The following CSK variants were observed in gnomAD, a reference collection of about 807,000 sequenced individuals.
CSK encodes C-terminal Src kinase.
Under a neutral mutation model 62.3 loss-of-function variants are expected in CSK, and 7 were observed. The observed-to-expected ratio is 0.11, with a 90% CI of 0.06 to 0.21. CSK has a LOEUF of 0.21. Ranked by LOEUF, CSK falls within the 10% of genes least tolerant of loss-of-function variation. The pLI is 1.00. For synonymous variants in CSK, 237 were observed against 246.0 expected, an observed-to-expected ratio of 0.96 and a Z score of 0.34; for missense variants, 294 against 613.5, an observed-to-expected ratio of 0.48 and a Z score of 5.50.
At chr15:74,783,294 T>C (rs545812944) in intron 1 of CSK, among the ~76,000 whole-genome samples, 2 of 152,324 alleles carry the variant, frequency 1.3e-5, no homozygotes, top group South Asian at 4.1e-4. Context: ...GGGCAGGCCT[T>C]CTGCCCGGGG....
intron 1 of CSK, among the ~76,000 whole-genome samples, chr15:74,797,747 TCCTGTGTCCTCTCGGTGTGTA>T (rs1262785254): frequency 6.6e-6 from 1 of 151,972 alleles, no homozygotes; most frequent in African/African-American, 2.4e-5. Flanking sequence ...CAGACACATG[TCCTGTGTCCTCTCGGTGTGTA>T]CCTAGAAGTG....
At position 74,802,701 on chromosome 15, in the gene CSK, C is replaced by A; in HGVS notation, c.*188C>A. 1 of 673,544 alleles carries A rather than the reference C, an allele frequency of 1.5e-6. No individual in the cohort carries two copies. Among genetic ancestry groups the A allele is most frequent in the Non-Finnish European group, 2.3e-6 (1 of 437,660 alleles). 41.7% of individuals were successfully genotyped at this position (673,544 alleles called of 1,614,324 possible). The stretch of plus-strand genomic sequence containing the variant: ...GACCCACCTGTGGGGCCTGGGGAGC[C>A]CACTGAGGGGCCAGGGAGGAAGGAG... On this transcript the variant is annotated 3_prime_UTR_variant, in exon 13 of 13. Coordinates refer to ENST00000220003, the MANE Select transcript of CSK (RefSeq NM_004383.3).
intron 1 of CSK, among the ~76,000 whole-genome samples, chr15:74,783,637 G>A (rs2063472004): frequency 6.6e-6 from 1 of 152,242 alleles, no homozygotes; most frequent in South Asian, 2.1e-4. Flanking sequence ...CGGCCCCAGA[G>A]GGACCTTGTT....
chr15:74,798,773 C>T lies in CSK; in HGVS notation c.129+45C>T, dbSNP rs1877075485. ...CCCACCATCCCACTGCTGGGCCTTC[C>T]CTCTGCAGGGGGAGGTGGGCCTGAG... On this transcript the variant is annotated intron_variant, in intron 3 of 12. Coordinates refer to ENST00000220003, the MANE Select transcript of CSK (RefSeq NM_004383.3). This position sits in a 1 kb window ranked among gnomAD's most constrained non-coding sequence, Gnocchi z 6.6. The T allele has an allele frequency of 6.2e-7, 1 of 1,607,478 alleles. No individual in the cohort carries two copies. Among genetic ancestry groups the T allele is most frequent in the South Asian group, 1.1e-5 (1 of 90,572 alleles).
intron 1 of CSK, among the ~76,000 whole-genome samples, chr15:74,783,298 C>T (rs2063465663): frequency 6.6e-6 from 1 of 152,206 alleles, no homozygotes; most frequent in African/African-American, 2.4e-5. Flanking sequence ...AGGCCTTCTG[C>T]CCGGGGGGAG....
rs781081953 is a variant in CSK, at chr15:74,798,958, G to T, written c.242+20G>T. On this transcript the variant is annotated intron_variant, in intron 4 of 12. Transcript: ENST00000220003. This position sits in a 1 kb window ranked among gnomAD's most constrained non-coding sequence, Gnocchi z 6.6. ...CATGCCGTGAGTACCACGAGGAGGG[G>T]TTGGGGAGGGAAGGGGCCTTGGTCC... The T allele has an allele frequency of 6.1e-6, 9 of 1,487,256 alleles. No homozygotes were observed. The highest frequency in any genetic ancestry group is 8.0e-6 in the Non-Finnish European group (9 of 1,130,832). 92.1% of individuals were successfully genotyped at this position (1,487,256 alleles called of 1,614,324 possible).
chr15:74,798,370 G>C lies in CSK; in HGVS notation c.15+58G>C. 1 of 1,585,252 alleles carries C rather than the reference G, an allele frequency of 6.3e-7. No individual in the cohort carries two copies. ...GCATTCCCACCAGCCCCAGCGGGGTGCTTAGCAGAGGAGAGAGGATGCAGC... is the reference window on the plus strand; with the variant it reads ...GCATTCCCACCAGCCCCAGCGGGGTCCTTAGCAGAGGAGAGAGGATGCAGC... On this transcript the variant is annotated intron_variant, in intron 2 of 12. Transcript: ENST00000220003. The surrounding 1 kb of genome is among the most constrained non-coding windows in gnomAD (Gnocchi z 6.6).
chr15:74,795,161 G>A (rs1039899489), intron 1 of CSK, among the ~76,000 whole-genome samples: 3 of 151,960 alleles, frequency 2.0e-5, no homozygotes, highest in East Asian at 1.9e-4. Flanking sequence ...TCCCTGGCCC[G>A]CCCTCTGCCT....
At chr15:74,800,541 ACCT>A in intron 6 of CSK, 36 bp downstream of exon 6, 2 of 1,590,478 alleles carry the variant, frequency 1.3e-6, no homozygotes, top group Admixed American at 1.8e-5. Context: ...TTGCCCACCC[ACCT>A]CCTCCCACGC....
chr15:74,789,375 G>A (rs367658403), intron 1 of CSK, among the ~76,000 whole-genome samples: 31 of 152,330 alleles, frequency 2.0e-4, no homozygotes, highest in African/African-American at 7.2e-4. Flanking sequence ...GACCACCAGC[G>A]CAGGCTGCGG....
At chr15:74,788,180 C>T (rs2063554042) in intron 1 of CSK, among the ~76,000 whole-genome samples, 4 of 152,198 alleles carry the variant, frequency 2.6e-5, no homozygotes, top group African/African-American at 9.7e-5. Context: ...GCTGCTGGCT[C>T]TTTTCTGTGT....
chr15:74,798,415 T>C lies in CSK; in HGVS notation c.15+103T>C. 3 of 1,447,706 alleles carry C rather than the reference T, an allele frequency of 2.1e-6. No individual in the cohort carries two copies. The highest frequency in any genetic ancestry group is 9.5e-7 in the Non-Finnish European group (1 of 1,051,332). The allele number at this position is 1,447,706 out of a possible 1,614,324, so 89.7% of individuals were successfully genotyped here. On this transcript the variant is annotated intron_variant, in intron 2 of 12. Transcript: ENST00000220003. This position sits in a 1 kb window ranked among gnomAD's most constrained non-coding sequence, Gnocchi z 6.6. The stretch of plus-strand genomic sequence containing the variant: ...TGCAGCTTAGATCAACCCACTCCCC[T>C]TTTTCCCAGCACTCAGTCAGGTACA...
rs2063755701 is a variant in CSK at position 74,799,462 on chromosome 15, T to C, written c.433T>C (p.Tyr145His). The C allele has an allele frequency of 6.2e-7, 1 of 1,613,180 alleles. No individual in the cohort carries two copies. Among genetic ancestry groups the C allele is most frequent in the South Asian group, 1.1e-5 (1 of 91,078 alleles). Residue 145 changes from tyrosine (Y) to histidine (H), a missense_variant, in exon 5 of 13, where the codon TAC becomes CAC. Tyr to His is a moderately conservative substitution (Grantham distance 83). Transcript: ENST00000220003. ...ASKLSIDEEV[Y>H]FENLMQLVEH... ...CAAGCTCAGCATCGACGAGGAGGTG[T>C]ACTTTGAGAACCTCATGCAGCTGGT... is the stretch of plus-strand genomic sequence containing the variant.
At chr15:74,802,270 TG>T in intron 12 of CSK, 60 bp from the exon 13 acceptor site, 1 of 1,497,620 alleles carries the variant, frequency 6.7e-7, no homozygotes, top group Non-Finnish European at 8.9e-7. Context: ...GAGAGGCTGC[TG>T]GGTAGGTGTC....
intron 1 of CSK, among the ~76,000 whole-genome samples, chr15:74,796,621 G>GA (rs893416236): frequency 7.3e-5 from 11 of 150,498 alleles, no homozygotes; most frequent in African/African-American, 2.0e-4. Flanking sequence ...AAAAGAAAAA[G>GA]AAAAAATCCA....
chr15:74,785,916 G>A (rs1287329533), intron 1 of CSK, among the ~76,000 whole-genome samples: 1 of 152,002 alleles, frequency 6.6e-6, no homozygotes, highest in Non-Finnish European at 1.5e-5. Context: ...GCTGGTTAGG[G>A]TCCGGGACCT....
intron 1 of CSK, among the ~76,000 whole-genome samples, chr15:74,788,107 G>A (rs891182432): frequency 3.3e-5 from 5 of 152,224 alleles, no homozygotes; most frequent in Non-Finnish European, 1.5e-5. Context: ...AAGTTGAGAA[G>A]TGTTTGAAGA....
At position 74,795,728 on chromosome 15, in the gene CSK, CAG is replaced by C. The variant is rs1386278614; in HGVS notation, c.-65-2504_-65-2503del. ...ATATACGGTTGACCCTTGAACAACACAGGGGTTGAGGGCATCAACCTCCTCCC... is the reference window on the plus strand; with the variant it reads ...ATATACGGTTGACCCTTGAACAACACGGGTTGAGGGCATCAACCTCCTCCC... On this transcript the variant is annotated intron_variant, in intron 1 of 12. Transcript: ENST00000220003. Among the ~76,000 whole-genome samples, 15 of 152,242 alleles carry C rather than the reference CAG, an allele frequency of 9.9e-5. No homozygotes were observed. The South Asian group carries it at 2.1e-3, about 21-fold the overall frequency.
At position 74,786,042 on chromosome 15, in the gene CSK, TGA is replaced by T. The variant is rs1257180326; in HGVS notation, c.-66+3325_-66+3326del. ...GTGTGTGTGTGTGTGTGTGTGTGTG[TGA>T]GATGGAGTTTTGCTCTTGTTGCCCA... On this transcript the variant is annotated intron_variant, in intron 1 of 12. Coordinates refer to ENST00000220003, the MANE Select transcript of CSK (RefSeq NM_004383.3). Among the ~76,000 whole-genome samples the T allele has an allele frequency of 4.4e-5, 5 of 114,902 alleles. No homozygotes were observed. The East Asian group carries it at 1.5e-3, about 34-fold the overall frequency. The allele number at this position is 114,902 out of a possible 152,430, so 75.4% of individuals were successfully genotyped here. A position where few individuals can be genotyped will look rare whatever the true frequency, so the allele number is the denominator to read the frequency against.
Sources: gnomAD v4.1 joint callset for allele counts (sites outside exome capture counted in the v4.1 genomes callset) on GRCh38, gnomAD v4.1.1 for gene constraint, Gnocchi (gnomAD v3.1) non-coding constraint, MANE v1.5 for transcripts, NCBI Gene and HGNC (gene_info 2026-07-23, HGNC 2026-07-21) for gene names.